The following CACNA1D variants were observed in gnomAD, a reference collection of about 807,000 sequenced individuals.
CACNA1D encodes the protein calcium voltage-gated channel subunit alpha1 D.
Under a neutral mutation model 257.1 loss-of-function variants are expected in CACNA1D, and 55 were observed. That is an observed-to-expected ratio of 0.21 (90% confidence interval 0.17 to 0.27). CACNA1D has a LOEUF of 0.27. CACNA1D is among the 10% of genes least tolerant of loss of function. The probability of loss-of-function intolerance (pLI) is 1.00; values close to 1 mark genes in which losing one functional copy is unlikely to be tolerated. For missense variants in CACNA1D, 1,876 were observed against 2,784.0 expected, an observed-to-expected ratio of 0.67 and a Z score of 7.34; for synonymous variants, 980 against 1,014.9, an observed-to-expected ratio of 0.97 and a Z score of 0.65.
At chr3:53,634,213 G>A (rs1406969050) in intron 3 of CACNA1D, among the ~76,000 whole-genome samples, 3 of 152,198 alleles carry the variant, frequency 2.0e-5, no homozygotes, top group Non-Finnish European at 4.4e-5. Context: ...GAGCTCAAAT[G>A]TAATGATTTC....
In CACNA1D at chr3:53,682,365, TAAAAA is replaced by T. The variant is rs3082718; in HGVS notation, c.1220+9266_1220+9270del. 3.1e-3 allele frequency among the ~76,000 whole-genome samples: 147 copies of T among 47,356 alleles called. 1 individual carries two copies. Among genetic ancestry groups the T allele is most frequent in the Middle Eastern group, 0.016 (1 of 64 alleles). 31.1% of individuals were successfully genotyped at this position (47,356 alleles called of 152,430 possible). ...CGACATAGCGAGGCTTTGTCTCTGGTAAAAAAAAAAAAAAAAAAAAAAAAAAAAAA... is the reference window on the plus strand; with the variant it reads ...CGACATAGCGAGGCTTTGTCTCTGGTAAAAAAAAAAAAAAAAAAAAAAAAA... On this transcript the variant is annotated intron_variant, in intron 8 of 47. Coordinates refer to ENST00000350061, the MANE Select transcript of CACNA1D (RefSeq NM_001128840.3).
chr3:53,566,535 G>A (rs2092842120), intron 3 of CACNA1D, among the ~76,000 whole-genome samples: 1 of 152,010 alleles, frequency 6.6e-6, no homozygotes, highest in African/African-American at 2.4e-5. Context: ...TTCACTGTCT[G>A]CCCTCCCTCG....
At chr3:53,527,785 T>C (rs1462576433) in intron 3 of CACNA1D, among the ~76,000 whole-genome samples, 1 of 152,212 alleles carries the variant, frequency 6.6e-6, no homozygotes, top group Non-Finnish European at 1.5e-5. Context: ...CAGTAGCCAA[T>C]AGACTATTGT....
intron 5 of CACNA1D, 74 bp from the exon 6 acceptor site, chr3:53,665,586 G>T: frequency 8.9e-7 from 1 of 1,128,726 alleles, no homozygotes; most frequent in Non-Finnish European, 1.3e-6. Context: ...AAGGAGGCAT[G>T]GTTAGGAATT....
Position 53,663,658 on chromosome 3 carries a change from G to A in CACNA1D, c.767-2002G>A, listed in dbSNP as rs115648377. Among the ~76,000 whole-genome samples, 740 of 152,300 alleles carry A rather than the reference G, an allele frequency of 4.9e-3. 5 individuals carry two copies. Among genetic ancestry groups the A allele is most frequent in the African/African-American group, 0.015 (641 of 41,570 alleles). On this transcript the variant is annotated intron_variant, in intron 5 of 47. Transcript: ENST00000350061. Reference sequence around the variant, plus strand: ...TAGCTTCTATTAGGTTGGTGTGAACGTAATTGCGGTTTTTGCCATTGAAAG... The same window carrying A: ...TAGCTTCTATTAGGTTGGTGTGAACATAATTGCGGTTTTTGCCATTGAAAG...
chr3:53,748,968 G>T (rs765120896), intron 26 of CACNA1D: 2 of 493,824 alleles, frequency 4.1e-6, no homozygotes, highest in Non-Finnish European at 3.7e-6. Context: ...TGTCTTACAC[G>T]TGATATTCTT....
chr3:53,667,513 T>C (rs1398921395), intron 7 of CACNA1D, among the ~76,000 whole-genome samples: 1 of 152,234 alleles, frequency 6.6e-6, no homozygotes, highest in Non-Finnish European at 1.5e-5. Context: ...CAGCAGCTTT[T>C]AGACAGAAGG....
chr3:53,690,269 C>T (rs1345423178), intron 8 of CACNA1D, among the ~76,000 whole-genome samples: 1 of 152,240 alleles, frequency 6.6e-6, no homozygotes, highest in African/African-American at 2.4e-5. Flanking sequence ...CGTACATCCT[C>T]AGCTGCTGTA....
intron 20 of CACNA1D, among the ~76,000 whole-genome samples, chr3:53,739,967 G>C (rs2095099550): frequency 6.6e-6 from 1 of 152,220 alleles, no homozygotes. Flanking sequence ...GTTTGTAGAT[G>C]TAGCACTCTC....
chr3:53,515,929 C>G (rs2091315578), intron 3 of CACNA1D, among the ~76,000 whole-genome samples: 1 of 152,212 alleles, frequency 6.6e-6, no homozygotes, highest in South Asian at 2.1e-4. Context: ...GGCTCTCTCT[C>G]TCTTCAGCCT....
intron 3 of CACNA1D, among the ~76,000 whole-genome samples, chr3:53,563,591 CAT>C (rs914732656): frequency 6.7e-5 from 10 of 149,462 alleles, no homozygotes; most frequent in African/African-American, 2.2e-4. Context: ...AGTTTTACCA[CAT>C]ATGTTTTAAT....
In CACNA1D at chr3:53,723,654, G is replaced by A. The variant is rs138898295; in HGVS notation, c.1887G>A (p.Val629=). ...TGCGCCTCTTAAGAATCTTCAAAGT[G>A]ACCAGGTAAGGAAATGTGGGTCCCA... The part of the protein sequence containing the change: ...RCVRLLRIFK[V]TRHWTSLSNL... The change falls in exon 13 of 48, where the codon GTG becomes GTA. Residue 629 remains valine (V), a synonymous_variant. Coordinates refer to ENST00000350061, the MANE Select transcript of CACNA1D (RefSeq NM_001128840.3). The surrounding 1 kb of genome is among the most constrained non-coding windows in gnomAD (Gnocchi z 5.6). 6.1e-5 allele frequency: 98 copies of A among 1,613,800 alleles called. 1 individual carries two copies. In the African/African-American group the frequency reaches 9.9e-4, roughly 16 times the overall value.
At chr3:53,719,861 G>T in intron 11 of CACNA1D, 80 bp downstream of exon 11, 3 of 1,272,970 alleles carry the variant, frequency 2.4e-6, no homozygotes, top group African/African-American at 2.9e-5. Context: ...ACGTAGTATT[G>T]CTCTGGACTT....
chr3:53,511,520 C>T (rs1165755384), intron 3 of CACNA1D, among the ~76,000 whole-genome samples: 2 of 152,134 alleles, frequency 1.3e-5, no homozygotes, highest in Admixed American at 6.5e-5. Context: ...GCCATGTCTT[C>T]GCCGTGCTTT....
At chr3:53,725,913 A>G (rs540458845) in intron 14 of CACNA1D, among the ~76,000 whole-genome samples, 3 of 152,156 alleles carry the variant, frequency 2.0e-5, no homozygotes, top group Non-Finnish European at 4.4e-5. Context: ...TTCATCATGG[A>G]TTGAATTATC....
In CACNA1D at chr3:53,723,745, T is replaced by C. The variant is rs1484672151; in HGVS notation, c.1893-47T>C. On this transcript the variant is annotated intron_variant, in intron 13 of 47. Coordinates refer to ENST00000350061, the MANE Select transcript of CACNA1D (RefSeq NM_001128840.3). This position sits in a 1 kb window ranked among gnomAD's most constrained non-coding sequence, Gnocchi z 5.6. Reference sequence around the variant, plus strand: ...TCCCCGGGCAGGTGATGTTCTGCTCTGTCCTGCATGGGTGTTCTGAGCTGA... The same window carrying C: ...TCCCCGGGCAGGTGATGTTCTGCTCCGTCCTGCATGGGTGTTCTGAGCTGA... 6.3e-7 allele frequency: 1 copy of C among 1,590,620 alleles called. No individual in the cohort carries two copies. The highest frequency in any genetic ancestry group is 8.6e-7 in the Non-Finnish European group (1 of 1,158,640).
intron 8 of CACNA1D, among the ~76,000 whole-genome samples, chr3:53,691,128 C>T (rs2094515186): frequency 6.6e-6 from 1 of 151,560 alleles, no homozygotes; most frequent in Admixed American, 6.6e-5. Context: ...AAAAGAGAGC[C>T]CATGGTTTTG....
At chr3:53,720,521 A>T in intron 11 of CACNA1D, among the ~76,000 whole-genome samples, 1 of 152,250 alleles carries the variant, frequency 6.6e-6, no homozygotes. Context: ...AAGGACTGGT[A>T]TCCCATATAT....
intron 3 of CACNA1D, among the ~76,000 whole-genome samples, chr3:53,557,498 A>G (rs1193889294): frequency 1.3e-5 from 2 of 151,952 alleles, no homozygotes; most frequent in Non-Finnish European, 2.9e-5. Flanking sequence ...CTGTCTCAAA[A>G]AAAAAGAAAA....
Sources: gnomAD v4.1 joint callset for allele counts (sites outside exome capture counted in the v4.1 genomes callset) on GRCh38, gnomAD v4.1.1 for gene constraint, Gnocchi (gnomAD v3.1) non-coding constraint, MANE v1.5 for transcripts, NCBI Gene and HGNC (gene_info 2026-07-23, HGNC 2026-07-21) for gene names.